Variants in PHF11 observed in about 807,000 individuals in gnomAD.
The protein encoded by PHF11 is PHD finger protein 11, also known as BRCA1 C-terminus-associated protein.
Under a neutral mutation model 40.5 loss-of-function variants are expected in PHF11, and 38 were observed. That is an observed-to-expected ratio of 0.94 (90% CI 0.72 to 1.23). The LOEUF is 1.23. Among genes scored for constraint, PHF11 ranks in the 50% most tolerant of loss-of-function variants. PHF11 has a pLI of 0.00. For missense variants in PHF11, 369 were observed against 392.4 expected (o/e 0.94, Z 0.50); for synonymous variants, 127 against 138.2 (o/e 0.92, Z 0.57).
intron 2 of PHF11, among the ~76,000 whole-genome samples, chr13:49,507,507 G>A (rs1473539554): frequency 6.6e-6 from 1 of 152,154 alleles, no homozygotes; most frequent in Non-Finnish European, 1.5e-5. Flanking sequence ...CCTAGTCTAG[G>A]CTATACAGCT....
chr13:49,520,223 A>G (rs987549204), intron 4 of PHF11, among the ~76,000 whole-genome samples: 4 of 151,906 alleles, frequency 2.6e-5, no homozygotes, highest in Non-Finnish European at 4.4e-5. Context: ...TAATTTTTGT[A>G]TTTTTAGTAG....
chr13:49,497,558 G>A (rs947256215), intron 1 of PHF11, among the ~76,000 whole-genome samples: 9 of 152,268 alleles, frequency 5.9e-5, no homozygotes, highest in African/African-American at 1.9e-4. Context: ...CCAAGCCTAC[G>A]CCATCATGAT....
intron 1 of PHF11, among the ~76,000 whole-genome samples, chr13:49,496,830 CTTTTTTT>C (rs34505707): frequency 2.3e-5 from 2 of 88,022 alleles, no homozygotes; most frequent in African/African-American, 9.0e-5. Flanking sequence ...TGGGCTTACC[CTTTTTTT>C]TTTTTTTTTT....
At chr13:49,521,817 C>A (rs2274276) in intron 5 of PHF11, 2 of 302,376 alleles carry the variant, frequency 6.6e-6, no homozygotes, top group Non-Finnish European at 1.3e-5. Context: ...AGAGAGTTCC[C>A]CATGTGCCAA....
intron 4 of PHF11, chr13:49,518,678 G>A (rs571003613): frequency 7.9e-5 from 12 of 152,334 alleles, no homozygotes; most frequent in African/African-American, 2.6e-4. Flanking sequence ...GAGACACTCA[G>A]TGACTTGTCC....
intron 3 of PHF11, among the ~76,000 whole-genome samples, chr13:49,515,143 C>G (rs1959135266): frequency 6.6e-6 from 1 of 151,944 alleles, no homozygotes; most frequent in African/African-American, 2.4e-5. Context: ...ACTGGGAAGG[C>G]TTTGGGATGG....
chr13:49,507,191 C>T (rs1455243551), intron 2 of PHF11, among the ~76,000 whole-genome samples: 1 of 152,046 alleles, frequency 6.6e-6, no homozygotes, highest in African/African-American at 2.4e-5. Flanking sequence ...AGGTGTGAGC[C>T]ACCACGCCCG....
chr13:49,525,242 T>C (rs569246787), intron 8 of PHF11, among the ~76,000 whole-genome samples: 72 of 152,326 alleles, frequency 4.7e-4, no homozygotes, highest in African/African-American at 1.6e-3. Context: ...ATATAGCTAC[T>C]TAGCTTTTTG....
chr13:49,515,938 C>T (rs570330744), intron 3 of PHF11, among the ~76,000 whole-genome samples: 1 of 152,348 alleles, frequency 6.6e-6, no homozygotes, highest in South Asian at 2.1e-4. Flanking sequence ...CCTGTGCCCA[C>T]TTCGCTGCTC....
intron 8 of PHF11, chr13:49,526,168 CAAAAAAAAAAAA>C (rs10573458): frequency 2.3e-5 from 8 of 341,234 alleles, no homozygotes; most frequent in Admixed American, 1.3e-4. Context: ...GATTCTGTCT[CAAAAAAAAAAAA>C]AAAAAAAAAA....
At chr13:49,516,804 C>G (rs181664714) in intron 3 of PHF11, among the ~76,000 whole-genome samples, 1 of 151,898 alleles carries the variant, frequency 6.6e-6, no homozygotes, top group African/African-American at 2.4e-5. Context: ...AAGCTGGTCT[C>G]GAACTCCTGG....
chr13:49,503,124 C>A (rs957173815), intron 1 of PHF11, among the ~76,000 whole-genome samples: 1 of 152,212 alleles, frequency 6.6e-6, no homozygotes, highest in Non-Finnish European at 1.5e-5. Context: ...TTCCCAGCTT[C>A]CTGTGCAGCC....
intron 3 of PHF11, among the ~76,000 whole-genome samples, chr13:49,516,233 C>CT (rs1426534672): frequency 6.6e-6 from 1 of 151,992 alleles, no homozygotes; most frequent in Non-Finnish European, 1.5e-5. Context: ...TTAAACTTTG[C>CT]TTTATTTGAT....
At chr13:49,519,594 G>GCT (rs1959177932) in intron 4 of PHF11, among the ~76,000 whole-genome samples, 1 of 151,890 alleles carries the variant, frequency 6.6e-6, no homozygotes, top group Non-Finnish European at 1.5e-5. Flanking sequence ...GAACCTCAGA[G>GCT]AAGTTATCAC....
intron 1 of PHF11, 87 bp from the exon 2 acceptor site, chr13:49,506,548 C>G: frequency 8.5e-7 from 1 of 1,182,874 alleles, no homozygotes; most frequent in Non-Finnish European, 1.2e-6. Flanking sequence ...AAACAAGTGC[C>G]CTGCCTTCCA....
At chr13:49,514,991 A>G (rs1382704813) in intron 3 of PHF11, among the ~76,000 whole-genome samples, 1 of 152,128 alleles carries the variant, frequency 6.6e-6, no homozygotes, top group Non-Finnish European at 1.5e-5. Flanking sequence ...ACAGAGTTAA[A>G]GAAATCTCTG....
chr13:49,499,234 A>C (rs1489932062), intron 1 of PHF11, among the ~76,000 whole-genome samples: 1 of 152,184 alleles, frequency 6.6e-6, no homozygotes, highest in African/African-American at 2.4e-5. Context: ...CTGAACTGAA[A>C]TCTTCTATCC....
chr13:49,501,026 T>TTTTTTTTTG (rs1486188462), intron 1 of PHF11, among the ~76,000 whole-genome samples: 1 of 146,788 alleles, frequency 6.8e-6, no homozygotes, highest in Non-Finnish European at 1.5e-5. Flanking sequence ...GGTTTTTTTT[T>TTTTTTTTTG]TTCTGAAATG....
chr13:49,511,052 G>T (rs1007737655), intron 2 of PHF11, among the ~76,000 whole-genome samples: 1 of 152,104 alleles, frequency 6.6e-6, no homozygotes, highest in Non-Finnish European at 1.5e-5. Flanking sequence ...CATATGAAAG[G>T]AATCCTATAG....
Sources: allele counts gnomAD v4.1 joint callset (sites outside exome capture counted in the v4.1 genomes callset), GRCh38; gene constraint gnomAD v4.1.1; transcripts MANE v1.5; gene names NCBI Gene and HGNC (gene_info 2026-07-23, HGNC 2026-07-21).